Variants in SLC5A4 observed in about 807,000 individuals in gnomAD.
The protein encoded by SLC5A4 is solute carrier family 5 member 4.
In SLC5A4, 55 loss-of-function variants were observed where a neutral mutation model predicts 70.3. The ratio of observed to expected loss-of-function variants is 0.78; its 90% CI spans 0.63 to 0.98. The LOEUF (loss-of-function observed/expected upper bound fraction) is 0.98, where lower values mean the gene tolerates loss of function less well. SLC5A4 is among the 50% of genes least tolerant of loss of function. The probability of loss-of-function intolerance (pLI) is 0.00; values close to 1 mark genes in which losing one functional copy is unlikely to be tolerated. For missense variants in SLC5A4, 735 were observed against 839.2 expected, an observed-to-expected ratio of 0.88 and a Z score of 1.53; for synonymous variants, 268 against 305.7, an observed-to-expected ratio of 0.88 and a Z score of 1.29.
the SLC5A4 span, among the ~76,000 whole-genome samples, chr22:32,300,279 TCA>T: frequency 1.6e-5 from 2 of 123,072 alleles, no homozygotes; most frequent in African/African-American, 3.0e-5. Context: ...CAGTTTGATC[TCA>T]GACTGCTGTG....
the SLC5A4 span, among the ~76,000 whole-genome samples, chr22:32,303,030 ATTTT>A: frequency 6.7e-6 from 1 of 148,300 alleles, no homozygotes; most frequent in South Asian, 2.1e-4. Context: ...TTGTTTACTT[ATTTT>A]TTTTCTTTTT....
chr22:32,232,697 T>C (rs1925827603), intron 9 of SLC5A4, among the ~76,000 whole-genome samples: 1 of 151,868 alleles, frequency 6.6e-6, no homozygotes, highest in Non-Finnish European at 1.5e-5. Flanking sequence ...GATAGGCAGA[T>C]GGTATGAAGA....
chr22:32,235,846 G>A (rs1926026392), intron 7 of SLC5A4, among the ~76,000 whole-genome samples: 1 of 152,164 alleles, frequency 6.6e-6, no homozygotes, highest in South Asian at 2.1e-4. Flanking sequence ...TCATTATTTA[G>A]CTGAAGGACT....
chr22:32,315,416 G>T, the SLC5A4 span, among the ~76,000 whole-genome samples: 1 of 152,000 alleles, frequency 6.6e-6, no homozygotes, highest in Non-Finnish European at 1.5e-5. Context: ...TAAAATTAGA[G>T]GCATCAAGGT....
chr22:32,307,456 C>CTA, the SLC5A4 span, among the ~76,000 whole-genome samples: 1 of 152,140 alleles, frequency 6.6e-6, no homozygotes, highest in Non-Finnish European at 1.5e-5. Context: ...GTGGTCCCAG[C>CTA]TATAGCAGGA....
the SLC5A4 span, chr22:32,270,432 GCCTAAGGAGGAGAAAGAGAAT>G: frequency 6.1e-6 from 8 of 1,320,664 alleles, no homozygotes; most frequent in Non-Finnish European, 8.6e-6. Flanking sequence ...TCGCCCTGGT[GCCTAAGGAGGAGAAAGAGAAT>G]CCCAAGGGGG....
intron 8 of SLC5A4, among the ~76,000 whole-genome samples, chr22:32,233,713 G>A (rs1925894898): frequency 6.6e-6 from 1 of 152,082 alleles, no homozygotes; most frequent in Non-Finnish European, 1.5e-5. Context: ...TGTAATTGCA[G>A]CACTTTGGGA....
chr22:32,272,935 C>T, the SLC5A4 span: 3 of 534,082 alleles, frequency 5.6e-6, no homozygotes, highest in East Asian at 5.2e-5. Flanking sequence ...CCGGATGCTG[C>T]GTGTGGACCT....
At chr22:32,247,873 C>A (rs1223914205) in intron 4 of SLC5A4, among the ~76,000 whole-genome samples, 1 of 152,228 alleles carries the variant, frequency 6.6e-6, no homozygotes, top group Non-Finnish European at 1.5e-5. Context: ...TGTCATCCAT[C>A]ATTTGCCTCT....
chr22:32,225,906 T>C (rs1603225340), intron 11 of SLC5A4, 83 bp from the exon 12 acceptor site: 1 of 924,222 alleles, frequency 1.1e-6, no homozygotes, highest in Non-Finnish European at 1.6e-6. Context: ...GCGTTCATTC[T>C]TGTTGTCACT....
At chr22:32,323,902 ATGTT>A in the SLC5A4 span, among the ~76,000 whole-genome samples, 1 of 148,872 alleles carries the variant, frequency 6.7e-6, no homozygotes, top group African/African-American at 2.4e-5. Flanking sequence ...GCAGGCTGAT[ATGTT>A]AAAGAGGTTG....
At chr22:32,310,959 T>G in the SLC5A4 span, among the ~76,000 whole-genome samples, 2 of 152,206 alleles carry the variant, frequency 1.3e-5, no homozygotes, top group African/African-American at 4.8e-5. Context: ...CACCTGGCTT[T>G]CTTATGCTTC....
chr22:32,318,288 C>T, the SLC5A4 span, among the ~76,000 whole-genome samples: 8 of 151,706 alleles, frequency 5.3e-5, no homozygotes, highest in Middle Eastern at 0.01. Context: ...GCTGGAGATA[C>T]GCTGATGACT....
At chr22:32,336,229 C>T in the SLC5A4 span, among the ~76,000 whole-genome samples, 2 of 152,182 alleles carry the variant, frequency 1.3e-5, no homozygotes, top group Non-Finnish European at 1.5e-5. Context: ...TTCCACATTA[C>T]TCTTGCTGCA....
At chr22:32,256,262 C>G (rs897708832), upstream of SLC5A4, among the ~76,000 whole-genome samples, 14 of 152,016 alleles carry the variant, frequency 9.2e-5, no homozygotes, top group Non-Finnish European at 1.3e-4. Context: ...GAGCCATGAT[C>G]ACGCCGCTGC....
chr22:32,335,786 G>A, the SLC5A4 span, among the ~76,000 whole-genome samples: 1 of 140,722 alleles, frequency 7.1e-6, no homozygotes, highest in Non-Finnish European at 1.5e-5. Flanking sequence ...CGGCTGAAGG[G>A]GTCAGGTGAC....
the SLC5A4 span, among the ~76,000 whole-genome samples, chr22:32,263,016 C>A: frequency 6.6e-6 from 1 of 151,980 alleles, no homozygotes; most frequent in South Asian, 2.1e-4. Context: ...GATCCACCCG[C>A]CTCGACCTCC....
the SLC5A4 span, among the ~76,000 whole-genome samples, chr22:32,332,987 T>C: frequency 6.6e-6 from 1 of 152,210 alleles, no homozygotes; most frequent in Non-Finnish European, 1.5e-5. Context: ...TTACCCCTGA[T>C]CAGCATCTCC....
chr22:32,254,728 C>T (rs1927372838), intron 1 of SLC5A4, among the ~76,000 whole-genome samples: 1 of 151,700 alleles, frequency 6.6e-6, no homozygotes, highest in Non-Finnish European at 1.5e-5. Flanking sequence ...GGCGTGAACC[C>T]AGGAGGCGGA....
Sources: allele counts gnomAD v4.1 joint callset (sites outside exome capture counted in the v4.1 genomes callset), GRCh38; gene constraint gnomAD v4.1.1; transcripts MANE v1.5; gene names NCBI Gene and HGNC (gene_info 2026-07-23, HGNC 2026-07-21).